NBPF26: variants seen among roughly 807,000 people sequenced by gnomAD.
NBPF26 encodes the protein NBPF family member NBPF26.
A neutral mutation model predicts 119.6 loss-of-function variants in NBPF26; 79 were observed. The ratio of observed to expected loss-of-function variants is 0.66; its 90% CI spans 0.55 to 0.80. NBPF26 has a LOEUF of 0.80. NBPF26 is among the 30% of genes least tolerant of loss of function. The pLI, the probability that NBPF26 is intolerant of heterozygous loss-of-function variation, is 0.00. For missense variants in NBPF26, 800 were observed against 1,198.2 expected, an observed-to-expected ratio of 0.67 and a Z score of 4.91; for synonymous variants, 299 against 457.7, an observed-to-expected ratio of 0.65 and a Z score of 4.43.
In NBPF26 at chr1:120,793,829, C is replaced by T; in HGVS notation, c.751+333C>T. The T allele has an allele frequency of 3.5e-6, 3 of 856,620 alleles. 1 individual carries two copies. Among genetic ancestry groups the T allele is most frequent in the Non-Finnish European group, 5.4e-6 (3 of 555,786 alleles). The allele number at this position is 856,620 out of a possible 1,614,324, so 53.1% of individuals were successfully genotyped here. On this transcript the variant is annotated intron_variant, in intron 4 of 29. Transcript: ENST00000620612. Reference sequence around the variant, plus strand: ...GGAAAAGAACACGATGAGAATTAGACACTGGAAAATATGTATGTGTGGTTA... The same window carrying T: ...GGAAAAGAACACGATGAGAATTAGATACTGGAAAATATGTATGTGTGGTTA...
chr1:120,793,493 C>G lies in NBPF26; in HGVS notation c.748C>G (p.Pro250Ala), dbSNP rs1330894607. 5.5e-6 allele frequency: 7 copies of G among 1,284,336 alleles called. No homozygotes were observed. The East Asian group carries it at 1.2e-4, about 22-fold the overall frequency. The allele number at this position is 1,284,336 out of a possible 1,614,324, so 79.6% of individuals were successfully genotyped here. ...CTTCACTTTTGAGTGCAACTGCCTT[C>G]CAGGTAAGGAGCTCCCTAGTGTCCC... Residue 250 changes from proline to alanine, a missense_variant, in exon 4 of 30, where the codon CCA (proline) becomes GCA (alanine). Around this residue, in one of 13 missense-constraint regions of NBPF26, gnomAD observed 155 missense variants for 143.7 expected, o/e 1.08. Transcript: ENST00000620612.
chr1:120,790,084 C>T (rs1651467258), intron 3 of NBPF26, among the ~76,000 whole-genome samples: 1 of 82,626 alleles, frequency 1.2e-5, no homozygotes, highest in South Asian at 3.7e-4. Flanking sequence ...GGCGCAATCT[C>T]GGTTCACTGC....
chr1:120,765,860 C>G (rs1468609337), intron 2 of NBPF26, among the ~76,000 whole-genome samples: 2 of 121,056 alleles, frequency 1.7e-5, no homozygotes, highest in Non-Finnish European at 3.3e-5. Context: ...AGCCATCATT[C>G]TCAGCAAACT....
At chr1:120,752,560 TTTTTTTTTTTTTTTC>T (rs1651034111) in intron 1 of NBPF26, among the ~76,000 whole-genome samples, 1 of 19,614 alleles carries the variant, frequency 5.1e-5, no homozygotes, top group African/African-American at 6.7e-4. Flanking sequence ...ATATATTTTT[TTTTTTTTTTTTTTTC>T]TTTTTTTTTT....
At chr1:120,783,885 T>C (rs1413032818) in intron 2 of NBPF26, among the ~76,000 whole-genome samples, 1 of 105,554 alleles carries the variant, frequency 9.5e-6, no homozygotes, top group Non-Finnish European at 1.8e-5. Flanking sequence ...CAATTCTCCC[T>C]ATAGGAGAGA....
intron 14 of NBPF26, among the ~76,000 whole-genome samples, chr1:120,817,520 C>A (rs1652036618): frequency 2.2e-5 from 1 of 44,448 alleles, no homozygotes; most frequent in Non-Finnish European, 3.6e-5. Context: ...CCTCTGCCTC[C>A]CAGATTCAAG....
At chr1:120,784,881 G>C in intron 2 of NBPF26, 93 bp from the exon 3 acceptor site, 3 of 1,035,290 alleles carry the variant, frequency 2.9e-6, no homozygotes, top group Non-Finnish European at 2.8e-6. Flanking sequence ...TCACAATCTC[G>C]TGCTTTCTTG....
rs1652395679 is a variant in NBPF26 at position 120,833,211 on chromosome 1, T to C, written c.3371+228T>C. Among the ~76,000 whole-genome samples, 4 of 117,582 alleles carry C rather than the reference T, an allele frequency of 3.4e-5. No homozygotes were observed. In the South Asian group the frequency reaches 8.0e-4, roughly 24 times the overall value. 77.1% of individuals were successfully genotyped at this position (117,582 alleles called of 152,430 possible). The stretch of plus-strand genomic sequence containing the variant: ...CCATACTTCAAAAGCTGTACTCTCA[T>C]GGCCACTGCATCGAATTTTGAGCAT... On this transcript the variant is annotated intron_variant, in intron 23 of 29. Transcript: ENST00000620612.
chr1:120,840,563 G>A lies in NBPF26; in HGVS notation c.4317G>A (p.Val1439=). ...TGACGGTGACAAGTCTCCACCTGGT[G>A]TTCCAGATGGGAGTCATATTCCCAC... The change falls in exon 30 of 30, where the codon GTG becomes GTA. Residue 1439 remains valine (V), a synonymous_variant. Coordinates refer to ENST00000620612, the Ensembl canonical transcript of NBPF26. The A allele has an allele frequency of 2.0e-6, 3 of 1,465,654 alleles. 1 individual carries two copies. The highest frequency in any genetic ancestry group is 2.8e-6 in the Non-Finnish European group (3 of 1,085,574). 90.8% of individuals were successfully genotyped at this position (1,465,654 alleles called of 1,614,324 possible). A position where few individuals can be genotyped will look rare whatever the true frequency, so the allele number is the denominator to read the frequency against.
In NBPF26 at chr1:120,764,021, G is replaced by A. The variant is rs1369338030; in HGVS notation, c.155+312G>A. On this transcript the variant is annotated intron_variant, in intron 2 of 29. Coordinates refer to ENST00000620612, the Ensembl canonical transcript of NBPF26. ...CCCAGCACTTCAGGAGGCTGAGTTG[G>A]GCGAATCACGAGGTCAGGAGTTCAA... 1.7e-5 allele frequency among the ~76,000 whole-genome samples: 2 copies of A among 114,514 alleles called. 1 individual carries two copies. Among genetic ancestry groups the A allele is most frequent in the African/African-American group, 1.0e-4 (2 of 19,918 alleles). The allele number at this position is 114,514 out of a possible 152,430, so 75.1% of individuals were successfully genotyped here.
chr1:120,820,447 A>AAAAAAAAAAT (rs1553271997), intron 15 of NBPF26, among the ~76,000 whole-genome samples: 1 of 10,834 alleles, frequency 9.2e-5, no homozygotes, highest in Admixed American at 1.1e-3. Flanking sequence ...AAGTATTAAA[A>AAAAAAAAAAT]ATATATATAT....
chr1:120,770,787 G>T lies in NBPF26; in HGVS notation c.155+7078G>T, dbSNP rs1490238314. On this transcript the variant is annotated intron_variant, in intron 2 of 29. Transcript: ENST00000620612. Reference sequence around the variant, plus strand: ...AATGGGACAGAATTACCTGTTTTAAGTTGGTAGTTCAAATGGAACCTTCTG... The same window carrying T: ...AATGGGACAGAATTACCTGTTTTAATTTGGTAGTTCAAATGGAACCTTCTG... Among the ~76,000 whole-genome samples the T allele has an allele frequency of 3.4e-5, 4 of 117,266 alleles. 1 individual carries two copies. The highest frequency in any genetic ancestry group is 6.6e-5 in the Non-Finnish European group (4 of 60,948). The allele number at this position is 117,266 out of a possible 152,430, so 76.9% of individuals were successfully genotyped here.
chr1:120,733,082 C>T, intron 1 of NBPF26, among the ~76,000 whole-genome samples: 4 of 66,560 alleles, frequency 6.0e-5, no homozygotes, highest in Non-Finnish European at 1.0e-4. Flanking sequence ...GTTTTTTTAC[C>T]CTTAGATTTA....
At chr1:120,810,040 G>C (rs1460626534) in intron 8 of NBPF26, among the ~76,000 whole-genome samples, 157 bp downstream of exon 8, 1 of 134,498 alleles carries the variant, frequency 7.4e-6, no homozygotes, top group Non-Finnish European at 1.6e-5. Context: ...TGCGGCAGCT[G>C]TCGTGTTTCT....
At position 120,786,410 on chromosome 1, in the gene NBPF26, T is replaced by C. The variant is rs1422857529; in HGVS notation, c.415+1177T>C. 7.2e-5 allele frequency among the ~76,000 whole-genome samples: 8 copies of C among 110,568 alleles called. 2 individuals carry two copies. Among genetic ancestry groups the C allele is most frequent in the African/African-American group, 1.2e-4 (2 of 17,368 alleles). The allele number at this position is 110,568 out of a possible 152,430, so 72.5% of individuals were successfully genotyped here. A position where few individuals can be genotyped will look rare whatever the true frequency, so the allele number is the denominator to read the frequency against. ...TCTCTCACCTGGACTTCTGAAGTAG[T>C]TTCTGAATACGTTTTCTTGCCTTTA... On this transcript the variant is annotated intron_variant, in intron 3 of 29. Transcript: ENST00000620612.
chr1:120,768,582 C>T lies in NBPF26; in HGVS notation c.155+4873C>T, dbSNP rs1333123727. On this transcript the variant is annotated intron_variant, in intron 2 of 29. Coordinates refer to ENST00000620612, the Ensembl canonical transcript of NBPF26. ...CTTGCACACTCTTCCTCTTCTGCTG[C>T]ATGAACTGGGGTGTACCTTCACGAT... 2.7e-5 allele frequency among the ~76,000 whole-genome samples: 3 copies of T among 109,210 alleles called. 1 individual carries two copies. The highest frequency in any genetic ancestry group is 5.1e-5 in the Non-Finnish European group (3 of 58,856). The allele number at this position is 109,210 out of a possible 152,430, so 71.6% of individuals were successfully genotyped here. A position where few individuals can be genotyped will look rare whatever the true frequency, so the allele number is the denominator to read the frequency against.
chr1:120,743,372 CA>C (rs1650951951), intron 1 of NBPF26, among the ~76,000 whole-genome samples: 1 of 47,532 alleles, frequency 2.1e-5, no homozygotes. Flanking sequence ...TGATAAAAAA[CA>C]GTGTGTTTTT....
At chr1:120,810,543 C>T in exon 9 of NBPF26, 2 of 1,514,340 alleles carry the variant, frequency 1.3e-6, no homozygotes, top group Non-Finnish European at 1.8e-6. Context: ...TCAGGATGCT[C>T]TAAACATTCT....
At position 120,778,028 on chromosome 1, in the gene NBPF26, AC is replaced by A. The variant is rs1651317773; in HGVS notation, c.156-6945del. On this transcript the variant is annotated intron_variant, in intron 2 of 29. Transcript: ENST00000620612. ...CTTGGGAATTGAATGTTACATAGGA[AC>A]TTTCACTGGTTCCAGCTAGCCTTGG... 2.4e-5 allele frequency among the ~76,000 whole-genome samples: 2 copies of A among 82,584 alleles called. 1 individual carries two copies. The highest frequency in any genetic ancestry group is 4.2e-5 in the Non-Finnish European group (2 of 47,908). 54.2% of individuals were successfully genotyped at this position (82,584 alleles called of 152,430 possible). A position where few individuals can be genotyped will look rare whatever the true frequency, so the allele number is the denominator to read the frequency against.
Sources: allele counts gnomAD v4.1 joint callset (sites outside exome capture counted in the v4.1 genomes callset), GRCh38; gene constraint gnomAD v4.1.1; regional missense constraint gnomAD v4.1.1; transcripts MANE v1.5; gene names NCBI Gene and HGNC (gene_info 2026-07-23, HGNC 2026-07-21).